The following SGO2 variants were observed in gnomAD, a reference collection of about 807,000 sequenced individuals.
The protein encoded by SGO2 is shugoshin-like 2.
In SGO2, 68 loss-of-function variants were observed where a neutral mutation model predicts 99.5. That is an observed-to-expected ratio of 0.68 (90% confidence interval 0.56 to 0.84). The LOEUF (loss-of-function observed/expected upper bound fraction) is 0.84, where lower values mean the gene tolerates loss of function less well. Among genes scored for constraint, SGO2 ranks in the 40% least tolerant of loss-of-function variants. The probability of loss-of-function intolerance (pLI) is 0.00; values close to 1 mark genes in which losing one functional copy is unlikely to be tolerated. For missense variants in SGO2, 1,350 were observed against 1,436.7 expected, an observed-to-expected ratio of 0.94 and a Z score of 0.97; for synonymous variants, 457 against 487.1, an observed-to-expected ratio of 0.94 and a Z score of 0.81.
intron 2 of SGO2, 80 bp downstream of exon 2, chr2:200,533,188 C>A (rs781459665): frequency 1.5e-5 from 21 of 1,406,354 alleles, no homozygotes; most frequent in Non-Finnish European, 2.0e-5. Context: ...CTTATTTTAT[C>A]AAGTACAGAA....
At chr2:200,562,426 TG>T (rs1247757659) in intron 5 of SGO2, among the ~76,000 whole-genome samples, 1 of 152,256 alleles carries the variant, frequency 6.6e-6, no homozygotes, top group East Asian at 1.9e-4. Flanking sequence ...ATCTCTGTTT[TG>T]GTACCAGTAC....
At chr2:200,557,126 A>T (rs1302413387) in intron 5 of SGO2, among the ~76,000 whole-genome samples, 1 of 152,178 alleles carries the variant, frequency 6.6e-6, no homozygotes, top group Admixed American at 6.5e-5. Flanking sequence ...AGGCAAATTA[A>T]TCCAAAGAGA....
At chr2:200,531,576 G>A (rs1283552425) in intron 1 of SGO2, among the ~76,000 whole-genome samples, 2 of 152,186 alleles carry the variant, frequency 1.3e-5, no homozygotes, top group Non-Finnish European at 2.9e-5. Context: ...AGGCTGTAGA[G>A]GTTTGGTTGA....
At chr2:200,579,436 G>A (rs1331689345) in intron 8 of SGO2, among the ~76,000 whole-genome samples, 2 of 152,156 alleles carry the variant, frequency 1.3e-5, no homozygotes, top group African/African-American at 4.8e-5. Context: ...CCTTGTTCCT[G>A]ATTTTAGTAG....
rs1025855970 is a variant in SGO2, at chr2:200,583,640, A to G, written c.*176A>G. On this transcript the variant is annotated 3_prime_UTR_variant, in exon 9 of 9. Transcript: ENST00000357799. ...GTTTATTAATAGGTATATGTGCATA[A>G]AATAGCTATTTTGTAACATTAAACT... 4 of 407,762 alleles carry G rather than the reference A, an allele frequency of 9.8e-6. No homozygotes were observed. Among genetic ancestry groups the G allele is most frequent in the Non-Finnish European group, 1.7e-5 (4 of 233,020 alleles). 25.3% of individuals were successfully genotyped at this position (407,762 alleles called of 1,614,324 possible).
chr2:200,565,788 CTCT>C (rs1465542393), intron 5 of SGO2, among the ~76,000 whole-genome samples: 4 of 152,150 alleles, frequency 2.6e-5, no homozygotes, highest in Non-Finnish European at 4.4e-5. Context: ...CTCTAAACTT[CTCT>C]TCTTGCTTCA....
At chr2:200,559,598 TTTTA>T (rs2032860125) in intron 5 of SGO2, among the ~76,000 whole-genome samples, 1 of 152,154 alleles carries the variant, frequency 6.6e-6, no homozygotes, top group African/African-American at 2.4e-5. Context: ...GTTCCACAAT[TTTTA>T]TTTGTTTATT....
At position 200,571,252 on chromosome 2, in the gene SGO2, T is replaced by G. The variant is rs1452977995; in HGVS notation, c.906T>G (p.Ser302Arg). 6.2e-7 allele frequency: 1 copy of G among 1,613,328 alleles called. No individual in the cohort carries two copies. The highest frequency in any genetic ancestry group is 8.5e-7 in the Non-Finnish European group (1 of 1,179,622). Reference protein sequence around the residue: ...ATVLDKQHISSPELNCNNEIN... With the variant: ...ATVLDKQHISRPELNCNNEIN... ...TTTTAGATAAACAACACATTTCAAG[T>G]CCAGAATTAAATTGCAATAATGAGA... The change falls in exon 7 of 9, where the codon AGT becomes AGG. Residue 302 changes from serine to arginine, a missense_variant. Transcript: ENST00000357799.
At chr2:200,550,724 A>G (rs746626962) in intron 5 of SGO2, among the ~76,000 whole-genome samples, 4 of 152,306 alleles carry the variant, frequency 2.6e-5, no homozygotes, top group East Asian at 1.9e-4. Flanking sequence ...ACCCAAAACT[A>G]TGAAACTATT....
chr2:200,531,356 G>C (rs958827186), intron 1 of SGO2, among the ~76,000 whole-genome samples: 1 of 152,108 alleles, frequency 6.6e-6, no homozygotes, highest in African/African-American at 2.4e-5. Flanking sequence ...GAAGGGAAAG[G>C]GGTAATAGAG....
intron 5 of SGO2, among the ~76,000 whole-genome samples, chr2:200,551,593 T>G (rs999230134): frequency 6.6e-6 from 1 of 152,158 alleles, no homozygotes; most frequent in African/African-American, 2.4e-5. Flanking sequence ...GATTGCAAGG[T>G]CACAAGGTGT....
chr2:200,538,655 CT>C (rs1161716866), intron 4 of SGO2, among the ~76,000 whole-genome samples: 3 of 152,112 alleles, frequency 2.0e-5, no homozygotes, highest in Non-Finnish European at 4.4e-5. Flanking sequence ...AAGACTGATG[CT>C]TGTTTTATAT....
intron 2 of SGO2, 135 bp downstream of exon 2, chr2:200,533,243 TG>T: frequency 1.0e-6 from 1 of 960,382 alleles, no homozygotes; most frequent in Non-Finnish European, 1.5e-6. Flanking sequence ...TTTTTAAATT[TG>T]ATCCTTCCTA....
In SGO2 at chr2:200,571,514, A is replaced by G; in HGVS notation, c.1168A>G (p.Thr390Ala). The part of the protein sequence containing the change: ...TGIKKKSNKK[T>A]NEHGMKTFRK... ...CATTAAAAAGAAAAGTAATAAAAAA[A>G]CAAATGAACATGGAATGAAAACTTT... The change falls in exon 7 of 9, where the codon ACA becomes GCA. Residue 390 changes from threonine to alanine, a missense_variant. Transcript: ENST00000357799. 1.9e-6 allele frequency: 3 copies of G among 1,611,566 alleles called. No individual in the cohort carries two copies. Among genetic ancestry groups the G allele is most frequent in the Non-Finnish European group, 2.5e-6 (3 of 1,179,380 alleles).
chr2:200,566,580 G>A (rs374813022), intron 5 of SGO2, among the ~76,000 whole-genome samples: 8 of 152,180 alleles, frequency 5.3e-5, no homozygotes, highest in Non-Finnish European at 1.2e-4. Flanking sequence ...CTGGGGGAAC[G>A]ACTATTCTCT....
At chr2:200,581,966 AC>A (rs1002467556) in intron 8 of SGO2, among the ~76,000 whole-genome samples, 1 of 152,120 alleles carries the variant, frequency 6.6e-6, no homozygotes, top group African/African-American at 2.4e-5. Flanking sequence ...AGTGAAAGAG[AC>A]CTTTCCACCT....
At position 200,579,292 on chromosome 2, in the gene SGO2, TATG is replaced by T. The variant is rs373483944; in HGVS notation, c.3782+3834_3782+3836del. 2.8e-3 allele frequency among the ~76,000 whole-genome samples: 419 copies of T among 152,358 alleles called. 2 individuals carry two copies. The highest frequency in any genetic ancestry group is 9.5e-3 in the African/African-American group (395 of 41,586). On this transcript the variant is annotated intron_variant, in intron 8 of 8. Coordinates refer to ENST00000357799, the MANE Select transcript of SGO2 (RefSeq NM_152524.6). ...ATTGTCTTGAGTTCTCCAGGTATAG[TATG>T]ATATCATCTGAAAATAGAGATAGTT... is the stretch of plus-strand genomic sequence containing the variant.
chr2:200,558,145 G>A (rs1369404695), intron 5 of SGO2, among the ~76,000 whole-genome samples: 1 of 152,064 alleles, frequency 6.6e-6, no homozygotes, highest in African/African-American at 2.4e-5. Context: ...TTACAGGTGT[G>A]AGCCACCGTG....
intron 5 of SGO2, among the ~76,000 whole-genome samples, chr2:200,564,509 A>C (rs1485813790): frequency 1.3e-5 from 2 of 152,144 alleles, no homozygotes; most frequent in African/African-American, 4.8e-5. Context: ...AATAAGTGTG[A>C]TGTGGTGCTG....
Sources: allele counts gnomAD v4.1 joint callset (sites outside exome capture counted in the v4.1 genomes callset), GRCh38; gene constraint gnomAD v4.1.1; transcripts MANE v1.5; gene names NCBI Gene and HGNC (gene_info 2026-07-23, HGNC 2026-07-21).